The following NSD2 variants were observed in gnomAD, a reference collection of about 807,000 sequenced individuals.
The protein encoded by NSD2 is histone-lysine N-methyltransferase NSD2.
In NSD2, 12 loss-of-function variants were observed where a neutral mutation model predicts 139.0. That is an observed-to-expected ratio of 0.09 (90% CI 0.06 to 0.14). The LOEUF is 0.14. Among genes scored for constraint, NSD2 ranks in the 10% least tolerant of loss-of-function variants. The pLI, the probability that NSD2 is intolerant of heterozygous loss-of-function variation, is 1.00. For synonymous variants in NSD2, 669 were observed against 648.7 expected (o/e 1.03, Z -0.48); for missense variants, 1,155 against 1,745.0 (o/e 0.66, Z 6.02).
At chr4:1,954,276 C>T (rs907320050) in intron 12 of NSD2, among the ~76,000 whole-genome samples, 4 of 151,986 alleles carry the variant, frequency 2.6e-5, no homozygotes, top group African/African-American at 9.7e-5. Context: ...TGAGCCACCA[C>T]GCCTTGCCAA....
chr4:1,936,203 AC>A (rs1215762126), intron 7 of NSD2, among the ~76,000 whole-genome samples: 1 of 152,194 alleles, frequency 6.6e-6, no homozygotes, highest in Non-Finnish European at 1.5e-5. Context: ...AACCAAGGAA[AC>A]ACCGGGTTAT....
At chr4:1,950,260 T>G (rs1239703835) in intron 9 of NSD2, among the ~76,000 whole-genome samples, 1 of 152,220 alleles carries the variant, frequency 6.6e-6, no homozygotes, top group Middle Eastern at 3.2e-3. Context: ...AGCCTGGTCT[T>G]CAGTGATTTC....
chr4:1,947,040 C>G, intron 9 of NSD2: 1 of 1,063,860 alleles, frequency 9.4e-7, no homozygotes. Flanking sequence ...CCTGGTCCGG[C>G]TGATGGGGGT....
rs894462474 is a variant in NSD2, at chr4:1,940,673, C to G, written c.1881+895C>G. 9 of 1,061,426 alleles carry G rather than the reference C, an allele frequency of 8.5e-6. No individual in the cohort carries two copies. The South Asian group carries it at 4.1e-4, about 48-fold the overall frequency. The allele number at this position is 1,061,426 out of a possible 1,614,324, so 65.8% of individuals were successfully genotyped here. A position where few individuals can be genotyped will look rare whatever the true frequency, so the allele number is the denominator to read the frequency against. ...TATGAGGAGATGATAACTGGGGGCC[C>G]TTTTGGAACAGGGTAGTGAGGCAAG... On this transcript the variant is annotated intron_variant, in intron 9 of 21. Coordinates refer to ENST00000508803, the MANE Select transcript of NSD2 (RefSeq NM_001042424.3).
intron 4 of NSD2, among the ~76,000 whole-genome samples, chr4:1,917,445 A>T (rs1355132544): frequency 6.6e-6 from 1 of 152,098 alleles, no homozygotes; most frequent in East Asian, 1.9e-4. Context: ...ATTTTTTAAA[A>T]TTTTTTTGAG....
intron 1 of NSD2, among the ~76,000 whole-genome samples, chr4:1,878,266 T>TG (rs1714444187): frequency 1.7e-5 from 2 of 116,338 alleles, no homozygotes; most frequent in African/African-American, 6.9e-5. Flanking sequence ...TTTTTTTTTT[T>TG]TTTTTTTTTT....
intron 5 of NSD2, among the ~76,000 whole-genome samples, chr4:1,922,594 G>A (rs1236407290): frequency 1.3e-5 from 2 of 152,164 alleles, no homozygotes; most frequent in East Asian, 3.8e-4. Flanking sequence ...CTTGGCCTGA[G>A]GATTTGCTCT....
At position 1,958,174 on chromosome 4, in the gene NSD2, C is replaced by T; in HGVS notation, c.2985+138C>T. 2 of 816,122 alleles carry T rather than the reference C, an allele frequency of 2.5e-6. No individual in the cohort carries two copies. Among genetic ancestry groups the T allele is most frequent in the Non-Finnish European group, 3.9e-6 (2 of 509,770 alleles). 50.6% of individuals were successfully genotyped at this position (816,122 alleles called of 1,614,324 possible). On this transcript the variant is annotated intron_variant, in intron 16 of 21. Transcript: ENST00000508803. The surrounding 1 kb of genome is among the most constrained non-coding windows in gnomAD (Gnocchi z 4.6). ...ATCTGTGGTGCCTGGCATGGATGGCCACACAAGAGACCATGAGCAAATGGC... is the reference window on the plus strand; with the variant it reads ...ATCTGTGGTGCCTGGCATGGATGGCTACACAAGAGACCATGAGCAAATGGC...
chr4:1,940,344 A>G, intron 9 of NSD2: 1 of 1,069,006 alleles, frequency 9.4e-7, no homozygotes, highest in East Asian at 5.0e-5. Flanking sequence ...CCATTGTAAT[A>G]TGACTCCTGT....
At position 1,974,083 on chromosome 4, in the gene NSD2, A is replaced by G. The variant is rs1560807645; in HGVS notation, c.3373-780A>G. On this transcript the variant is annotated intron_variant, in intron 18 of 21. Coordinates refer to ENST00000508803, the MANE Select transcript of NSD2 (RefSeq NM_001042424.3). The surrounding 1 kb of genome is among the most constrained non-coding windows in gnomAD (Gnocchi z 4.0). The stretch of plus-strand genomic sequence containing the variant: ...CTGCAGCCACCCCTCATCTCAGCCA[A>G]CGCCACATCAGCGCCATGGGTGCAA... 3.9e-5 allele frequency among the ~76,000 whole-genome samples: 6 copies of G among 152,052 alleles called. No individual in the cohort carries two copies. The highest frequency in any genetic ancestry group is 1.4e-4 in the African/African-American group (6 of 41,392).
At chr4:1,895,594 C>T (rs1025723190) in intron 1 of NSD2, among the ~76,000 whole-genome samples, 1 of 151,896 alleles carries the variant, frequency 6.6e-6, no homozygotes, top group Non-Finnish European at 1.5e-5. Flanking sequence ...ATTTCCTGTT[C>T]TCCTGTAGAA....
intron 1 of NSD2, among the ~76,000 whole-genome samples, chr4:1,895,541 C>T (rs1036272311): frequency 6.6e-6 from 1 of 151,960 alleles, no homozygotes; most frequent in African/African-American, 2.4e-5. Flanking sequence ...ATTTCAATAC[C>T]AATACTTTTT....
At chr4:1,939,374 A>G in intron 8 of NSD2, 3 of 429,364 alleles carry the variant, frequency 7.0e-6, no homozygotes, top group Non-Finnish European at 1.3e-5. Flanking sequence ...TTGCTTCAGA[A>G]TAATCTGGCA....
Position 1,948,104 on chromosome 4 carries a change from G to GTAC in NSD2, c.1882-2965_1882-2963dup, listed in dbSNP as rs1723825184. On this transcript the variant is annotated intron_variant, in intron 9 of 21. Coordinates refer to ENST00000508803, the MANE Select transcript of NSD2 (RefSeq NM_001042424.3). The surrounding 1 kb of genome is among the most constrained non-coding windows in gnomAD (Gnocchi z 4.5). ...ATTTCTAAGGCAAATAGGCAACTTG[G>GTAC]TACTATCTTATTCTGAGTAGAGAGT... The GTAC allele has an allele frequency of 9.4e-7, 1 of 1,059,588 alleles. No individual in the cohort carries two copies. The allele number at this position is 1,059,588 out of a possible 1,614,324, so 65.6% of individuals were successfully genotyped here.
At chr4:1,937,076 GA>G (rs1244641597) in intron 7 of NSD2, among the ~76,000 whole-genome samples, 1 of 151,394 alleles carries the variant, frequency 6.6e-6, no homozygotes, top group Non-Finnish European at 1.5e-5. Flanking sequence ...TTTTGAGAGG[GA>G]GTCTCACTTC....
chr4:1,978,535 T>C, intron 21 of NSD2, 103 bp from the exon 22 acceptor site: 2 of 1,481,958 alleles, frequency 1.3e-6, no homozygotes, highest in Non-Finnish European at 1.8e-6. Flanking sequence ...AGCACTATTT[T>C]GTGTTCATTT....
At chr4:1,888,512 G>T (rs898832494) in intron 1 of NSD2, among the ~76,000 whole-genome samples, 3 of 150,980 alleles carry the variant, frequency 2.0e-5, no homozygotes, top group Non-Finnish European at 4.4e-5. Flanking sequence ...ATTTAGGTTG[G>T]TAATGATTTT....
At chr4:1,975,641 G>A (rs1480636789) in intron 20 of NSD2, 7 of 498,496 alleles carry the variant, frequency 1.4e-5, no homozygotes, top group African/African-American at 3.9e-5. Context: ...GCGTGGTTTC[G>A]CAGTTCTGGG....
In NSD2 at chr4:1,955,436, G is replaced by C; in HGVS notation, c.2518+96G>C. On this transcript the variant is annotated intron_variant, in intron 13 of 21. Transcript: ENST00000508803. This position sits in a 1 kb window ranked among gnomAD's most constrained non-coding sequence, Gnocchi z 4.7. The stretch of plus-strand genomic sequence containing the variant: ...ATTCCTTGTCTGCGCTGTGTTCATT[G>C]ATGTTGACAGTGTTCTGTGCGTCTT... 7.0e-7 allele frequency: 1 copy of C among 1,437,448 alleles called. No individual in the cohort carries two copies. Among genetic ancestry groups the C allele is most frequent in the South Asian group, 1.4e-5 (1 of 73,260 alleles). 89.0% of individuals were successfully genotyped at this position (1,437,448 alleles called of 1,614,324 possible).
Sources: gnomAD v4.1 joint callset for allele counts (sites outside exome capture counted in the v4.1 genomes callset) on GRCh38, gnomAD v4.1.1 for gene constraint, Gnocchi (gnomAD v3.1) non-coding constraint, MANE v1.5 for transcripts, NCBI Gene and HGNC (gene_info 2026-07-23, HGNC 2026-07-21) for gene names.